Variants in UBXN7 observed in about 807,000 individuals in gnomAD.
UBXN7 encodes the protein UBX domain protein 7, also known as UBX domain-containing protein 7.
UBXN7 carries 9 observed loss-of-function variants against 58.0 expected under a neutral mutation model. That is an observed-to-expected ratio of 0.16 (90% CI 0.09 to 0.27). The LOEUF is 0.27. Ranked by LOEUF, UBXN7 falls within the 10% of genes least tolerant of loss-of-function variation. The pLI is 1.00. For missense variants in UBXN7, 328 were observed against 599.6 expected (o/e 0.55, Z 4.73); for synonymous variants, 208 against 205.0 (o/e 1.01, Z -0.12).
chr3:196,382,270 CA>C, intron 5 of UBXN7, among the ~76,000 whole-genome samples: 1 of 152,300 alleles, frequency 6.6e-6, no homozygotes, highest in East Asian at 1.9e-4. Context: ...AAGGGAAGCC[CA>C]TCAGACTAAC....
chr3:196,419,562 G>A (rs755939001), intron 1 of UBXN7, among the ~76,000 whole-genome samples: 4 of 152,152 alleles, frequency 2.6e-5, no homozygotes, highest in African/African-American at 7.2e-5. Flanking sequence ...TGTTCTTAGC[G>A]TATCACTTAG....
At chr3:196,373,843 T>C (rs1421732939) in intron 5 of UBXN7, among the ~76,000 whole-genome samples, 1 of 152,202 alleles carries the variant, frequency 6.6e-6, no homozygotes, top group Non-Finnish European at 1.5e-5. Context: ...CAGGTGTCAG[T>C]CACCCCACTC....
chr3:196,401,811 A>AAAAAAAGAGAAG (rs1729997153), intron 3 of UBXN7, among the ~76,000 whole-genome samples: 1 of 136,228 alleles, frequency 7.3e-6, no homozygotes, highest in African/African-American at 2.8e-5. Context: ...AAAGAAAGAA[A>AAAAAAAGAGAAG]AGAAAAGAGA....
At chr3:196,390,914 T>C (rs989776177) in intron 5 of UBXN7, among the ~76,000 whole-genome samples, 1 of 152,148 alleles carries the variant, frequency 6.6e-6, no homozygotes, top group Non-Finnish European at 1.5e-5. Flanking sequence ...TTCCTCCTAA[T>C]GCAAGAGAAT....
chr3:196,419,029 G>T (rs1237573228), intron 1 of UBXN7, among the ~76,000 whole-genome samples: 1 of 152,200 alleles, frequency 6.6e-6, no homozygotes, highest in African/African-American at 2.4e-5. Flanking sequence ...ACTTTGGGAG[G>T]CCGATGTGGG....
chr3:196,357,669 C>T (rs1319501111), intron 10 of UBXN7, among the ~76,000 whole-genome samples: 1 of 151,934 alleles, frequency 6.6e-6, no homozygotes, highest in Admixed American at 6.6e-5. Flanking sequence ...ACCAGTCTGG[C>T]CAACATGGTG....
intron 1 of UBXN7, among the ~76,000 whole-genome samples, chr3:196,417,488 G>A (rs1560242497): frequency 6.6e-6 from 1 of 151,884 alleles, no homozygotes; most frequent in Non-Finnish European, 1.5e-5. Context: ...CTAAACCTGG[G>A]TTCGACCTTC....
intron 1 of UBXN7, among the ~76,000 whole-genome samples, chr3:196,409,073 C>G (rs989403809): frequency 3.9e-5 from 6 of 152,144 alleles, no homozygotes; most frequent in African/African-American, 9.7e-5. Flanking sequence ...CTCAACCTTT[C>G]TTTCATATGC....
intron 2 of UBXN7, among the ~76,000 whole-genome samples, chr3:196,403,578 A>C (rs1460236957): frequency 6.6e-6 from 1 of 152,118 alleles, no homozygotes; most frequent in Non-Finnish European, 1.5e-5. Flanking sequence ...CAAGTTTCCT[A>C]CCTTAAATTC....
intron 1 of UBXN7, among the ~76,000 whole-genome samples, chr3:196,424,631 C>G (rs1730790038): frequency 6.6e-6 from 1 of 151,716 alleles, no homozygotes; most frequent in Non-Finnish European, 1.5e-5. Context: ...AGCAATCCTT[C>G]CACCTTGGCA....
At chr3:196,373,908 C>A (rs1255726637) in intron 5 of UBXN7, among the ~76,000 whole-genome samples, 1 of 152,090 alleles carries the variant, frequency 6.6e-6, no homozygotes, top group Non-Finnish European at 1.5e-5. Context: ...TGGGTGAAAA[C>A]CCAAGGTCTA....
intron 1 of UBXN7, among the ~76,000 whole-genome samples, chr3:196,412,438 G>A (rs1730361845): frequency 6.6e-6 from 1 of 151,974 alleles, no homozygotes; most frequent in Non-Finnish European, 1.5e-5. Context: ...AATAACAAGT[G>A]TGGGTGAGCA....
chr3:196,429,235 G>A (rs1198246874), intron 1 of UBXN7, among the ~76,000 whole-genome samples: 10 of 151,776 alleles, frequency 6.6e-5, no homozygotes, highest in Non-Finnish European at 1.5e-4. Context: ...GCTGAGGCAC[G>A]AGAATGGTGT....
At chr3:196,362,188 T>A (rs1017980104) in intron 9 of UBXN7, 106 bp downstream of exon 9, 1 of 1,408,926 alleles carries the variant, frequency 7.1e-7, no homozygotes, top group Non-Finnish European at 9.6e-7. Context: ...GAGACAGGGT[T>A]TTGCCATGTT....
chr3:196,377,088 T>C (rs1729052861), intron 5 of UBXN7, among the ~76,000 whole-genome samples: 1 of 151,864 alleles, frequency 6.6e-6, no homozygotes, highest in East Asian at 1.9e-4. Context: ...GAAATTGTTC[T>C]GATTCTTTCT....
At chr3:196,362,846 T>C (rs560327181) in intron 8 of UBXN7, among the ~76,000 whole-genome samples, 159 bp from the exon 9 acceptor site, 75 of 152,190 alleles carry the variant, frequency 4.9e-4, no homozygotes, top group Non-Finnish European at 9.6e-4. Flanking sequence ...CACAGCCAAA[T>C]TGGAATGGAG....
chr3:196,373,019 G>A (rs1410166309), intron 5 of UBXN7, among the ~76,000 whole-genome samples: 1 of 152,198 alleles, frequency 6.6e-6, no homozygotes, highest in Admixed American at 6.5e-5. Flanking sequence ...CCAAAGTGCT[G>A]GGATTATAGG....
chr3:196,357,526 C>A (rs1728382937), intron 10 of UBXN7, among the ~76,000 whole-genome samples: 2 of 152,154 alleles, frequency 1.3e-5, no homozygotes, highest in Non-Finnish European at 2.9e-5. Context: ...GTAATCCCTG[C>A]ACTTTGGGAG....
At chr3:196,430,606 C>T (rs932496437) in intron 1 of UBXN7, among the ~76,000 whole-genome samples, 1 of 151,986 alleles carries the variant, frequency 6.6e-6, no homozygotes, top group African/African-American at 2.4e-5. Flanking sequence ...CCAGGCTGGT[C>T]TGCAACTCCT....
Sources: gnomAD v4.1 joint callset for allele counts (sites outside exome capture counted in the v4.1 genomes callset) on GRCh38, gnomAD v4.1.1 for gene constraint, MANE v1.5 for transcripts, NCBI Gene and HGNC (gene_info 2026-07-23, HGNC 2026-07-21) for gene names.